The following FAM8A1 variants were observed in gnomAD, a reference collection of about 807,000 sequenced individuals.
FAM8A1 encodes the protein family with sequence similarity 8 member A1.
A neutral mutation model predicts 38.3 loss-of-function variants in FAM8A1; 18 were observed. The ratio of observed to expected loss-of-function variants is 0.47; its 90% CI spans 0.33 to 0.70. The LOEUF (loss-of-function observed/expected upper bound fraction) is 0.70, where lower values mean the gene tolerates loss of function less well. Among genes scored for constraint, FAM8A1 ranks in the 30% least tolerant of loss-of-function variants. The probability of loss-of-function intolerance (pLI) is 0.03; values close to 1 mark genes in which losing one functional copy is unlikely to be tolerated. For synonymous variants in FAM8A1, 246 were observed against 234.4 expected, an observed-to-expected ratio of 1.05 and a Z score of -0.45; for missense variants, 559 against 559.6, an observed-to-expected ratio of 1.00 and a Z score of 0.01.
At chr6:17,606,385 A>G (rs1764053788) in intron 4 of FAM8A1, among the ~76,000 whole-genome samples, 1 of 152,042 alleles carries the variant, frequency 6.6e-6, no homozygotes, top group Non-Finnish European at 1.5e-5. Context: ...TATTTTTAGT[A>G]GGGACGGGGT....
intron 2 of FAM8A1, 151 bp from the exon 3 acceptor site, chr6:17,604,755 T>C: frequency 1.8e-6 from 1 of 568,914 alleles, no homozygotes; most frequent in Non-Finnish European, 3.0e-6. Flanking sequence ...TTGAATAAAC[T>C]AATGAATGCT....
rs1764031687 is a variant in FAM8A1, at chr6:17,604,911, T to A, written c.839T>A (p.Ile280Asn). Residue 280 changes from isoleucine (I) to asparagine (N), a missense_variant, in exon 3 of 5, where the codon ATC becomes AAC. Ile to Asn is a moderately radical substitution (Grantham distance 149). This residue lies in a region of FAM8A1 where 166 missense variants were observed against 220.8 expected (regional missense o/e 0.75). Coordinates refer to ENST00000259963, the MANE Select transcript of FAM8A1 (RefSeq NM_016255.3). ...SIMHLSGIKD[I>N]SKFAMHYIIE... ...CAAACTATTATTTTGTGTAGGGATA[T>A]CTCTAAGTTTGCTATGCATTATATA... 5 of 1,585,634 alleles carry A rather than the reference T, an allele frequency of 3.2e-6. No homozygotes were observed. In the African/African-American group the frequency reaches 6.8e-5, roughly 22 times the overall value.
intron 1 of FAM8A1, among the ~76,000 whole-genome samples, chr6:17,601,517 C>T (rs1763985383): frequency 6.6e-6 from 1 of 152,160 alleles, no homozygotes; most frequent in South Asian, 2.1e-4. Context: ...ACATTGGCTA[C>T]TTAGGACAGT....
Position 17,604,851 on chromosome 6 carries a change from G to C in FAM8A1, c.834-55G>C. On this transcript the variant is annotated intron_variant, in intron 2 of 4. Coordinates refer to ENST00000259963, the MANE Select transcript of FAM8A1 (RefSeq NM_016255.3). Reference sequence around the variant, plus strand: ...ACTTGCACTAATGAAAAAAAAGTCAGTGCTACTGTTCTGGTAACTAATTAT... The same window carrying C: ...ACTTGCACTAATGAAAAAAAAGTCACTGCTACTGTTCTGGTAACTAATTAT... 8.4e-6 allele frequency: 12 copies of C among 1,436,658 alleles called. No homozygotes were observed. In the South Asian group the frequency reaches 1.6e-4, roughly 19 times the overall value. The allele number at this position is 1,436,658 out of a possible 1,614,324, so 89.0% of individuals were successfully genotyped here. A position where few individuals can be genotyped will look rare whatever the true frequency, so the allele number is the denominator to read the frequency against.
In FAM8A1 at chr6:17,607,238, G is replaced by A. The variant is rs188064116; in HGVS notation, c.1098-957G>A. ...TGCACCACTGCACTCCAACCTGGGCGACAGAGCAAGACTCCATCTCAAAAA... is the reference window on the plus strand; with the variant it reads ...TGCACCACTGCACTCCAACCTGGGCAACAGAGCAAGACTCCATCTCAAAAA... On this transcript the variant is annotated intron_variant, in intron 4 of 4. Coordinates refer to ENST00000259963, the MANE Select transcript of FAM8A1 (RefSeq NM_016255.3). 6.2e-3 allele frequency among the ~76,000 whole-genome samples: 779 copies of A among 125,460 alleles called. 3 individuals carry two copies. The highest frequency in any genetic ancestry group is 6.7e-3 in the Non-Finnish European group (424 of 63,552). 82.3% of individuals were successfully genotyped at this position (125,460 alleles called of 152,430 possible). A position where few individuals can be genotyped will look rare whatever the true frequency, so the allele number is the denominator to read the frequency against.
chr6:17,602,640 G>T lies in FAM8A1; in HGVS notation c.763G>T (p.Val255Leu). 6.2e-7 allele frequency: 1 copy of T among 1,613,210 alleles called. No homozygotes were observed. Among genetic ancestry groups the T allele is most frequent in the Non-Finnish European group, 8.5e-7 (1 of 1,179,708 alleles). Reference protein sequence around the residue: ...SLAHRFMAEMVDFFILFFIKA... With the variant: ...SLAHRFMAEMLDFFILFFIKA... ...GGCCCACAGATTTATGGCAGAGATG[G>T]TGGATTTCTTTATTCTCTTCTTTAT... is the stretch of plus-strand genomic sequence containing the variant. The change falls in exon 2 of 5, where the codon GTG becomes TTG. Residue 255 changes from valine (V) to leucine (L), a missense_variant. Physicochemically the swap from Val to Leu is conservative, Grantham distance 32. Transcript: ENST00000259963.
At chr6:17,607,537 G>C (rs1014215914) in intron 4 of FAM8A1, among the ~76,000 whole-genome samples, 1 of 45,938 alleles carries the variant, frequency 2.2e-5, no homozygotes, top group Non-Finnish European at 5.1e-5. Context: ...AGTATCATAA[G>C]ATAGATACTA....
intron 2 of FAM8A1, 57 bp from the exon 3 acceptor site, chr6:17,604,849 C>G (rs1427680096): frequency 7.8e-6 from 11 of 1,405,408 alleles, no homozygotes; most frequent in Non-Finnish European, 8.5e-6. Context: ...AAAAAAAAGT[C>G]AGTGCTACTG....
rs531054496 is a variant in FAM8A1 at position 17,608,447 on chromosome 6, C to T, written c.*108C>T. 3.9e-5 allele frequency: 49 copies of T among 1,267,578 alleles called. No individual in the cohort carries two copies. The African/African-American group carries it at 6.1e-4, about 16-fold the overall frequency. 78.5% of individuals were successfully genotyped at this position (1,267,578 alleles called of 1,614,324 possible). On this transcript the variant is annotated 3_prime_UTR_variant, in exon 5 of 5. Coordinates refer to ENST00000259963, the MANE Select transcript of FAM8A1 (RefSeq NM_016255.3). ...TGATTTAGAAATTAAAGCAGTCACT[C>T]CAGTGTGATGCAGGTGACTACTCTG... is the stretch of plus-strand genomic sequence containing the variant.
At position 17,608,215 on chromosome 6, in the gene FAM8A1, T is replaced by C. The variant is rs760718044; in HGVS notation, c.1118T>C (p.Ile373Thr). ...TTTAGGTCCACTATCCGAGCTTTGA[T>C]CAAGAATTTTTCAATTGCTTCTTTT... ...SITTSTIRAL[I>T]KNFSIASFFP... Residue 373 changes from isoleucine (I) to threonine (T), a missense_variant, in exon 5 of 5, where the codon ATC (isoleucine) becomes ACC (threonine). This residue lies in a region of FAM8A1 where 166 missense variants were observed against 220.8 expected (regional missense o/e 0.75). Coordinates refer to ENST00000259963, the MANE Select transcript of FAM8A1 (RefSeq NM_016255.3). The C allele has an allele frequency of 6.2e-7, 1 of 1,613,826 alleles. No homozygotes were observed.
chr6:17,603,629 G>GT (rs1311424096), intron 2 of FAM8A1, among the ~76,000 whole-genome samples: 2 of 152,020 alleles, frequency 1.3e-5, no homozygotes, highest in Non-Finnish European at 2.9e-5. Context: ...CCAGGCTGGA[G>GT]TGCAGTAGTA....
rs779440559 is a variant in FAM8A1, at chr6:17,605,973, C to T, written c.1057C>T (p.Arg353Trp). 28 of 1,578,146 alleles carry T rather than the reference C, an allele frequency of 1.8e-5. No homozygotes were observed. Among genetic ancestry groups the T allele is most frequent in the East Asian group, 1.6e-4 (7 of 43,970 alleles). ...CDTSVLIAPS[R>W]VLVIPSSNVS... ...TACATCAGTGCTTATTGCACCAAGTCGGGTTTTAGTGATTCCTTCCTCAAA... is the reference window on the plus strand; with the variant it reads ...TACATCAGTGCTTATTGCACCAAGTTGGGTTTTAGTGATTCCTTCCTCAAA... The change falls in exon 4 of 5, where the codon CGG (arginine) becomes TGG (tryptophan). Residue 353 changes from arginine to tryptophan, a missense_variant. Coordinates refer to ENST00000259963, the MANE Select transcript of FAM8A1 (RefSeq NM_016255.3).
At chr6:17,601,621 C>T (rs1763986974) in intron 1 of FAM8A1, among the ~76,000 whole-genome samples, 1 of 152,160 alleles carries the variant, frequency 6.6e-6, no homozygotes, top group Non-Finnish European at 1.5e-5. Flanking sequence ...TGATCAATAT[C>T]TTGTATATTG....
In FAM8A1 at chr6:17,602,706, A is replaced by G. The variant is rs747425498; in HGVS notation, c.829A>G (p.Ile277Val). The G allele has an allele frequency of 1.9e-6, 3 of 1,602,550 alleles. No individual in the cohort carries two copies. The highest frequency in any genetic ancestry group is 4.5e-5 in the East Asian group (2 of 44,784). ...IVLSIMHLSG[I>V]KDISKFAMHY... ...CTTAAGCATTATGCACCTCAGTGGG[A>G]TAAAGTAAGTTGAGGACATTTGCAG... The change falls in exon 2 of 5, where the codon ATA becomes GTA. Residue 277 changes from isoleucine to valine, a missense_variant. By Grantham distance (29) the Ile-to-Val change is conservative. Coordinates refer to ENST00000259963, the MANE Select transcript of FAM8A1 (RefSeq NM_016255.3).
chr6:17,601,148 C>T lies in FAM8A1; in HGVS notation c.712+27C>T, dbSNP rs1763980609. 4.5e-6 allele frequency: 7 copies of T among 1,565,614 alleles called. No individual in the cohort carries two copies. In the African/African-American group the frequency reaches 9.4e-5, roughly 21 times the overall value. On this transcript the variant is annotated intron_variant, in intron 1 of 4. Coordinates refer to ENST00000259963, the MANE Select transcript of FAM8A1 (RefSeq NM_016255.3). ...TGAGAAGCGCGAGGTGGAGGCTGGGCGGAGTAGAAGGGTTTTCGGGGGCCT... is the reference window on the plus strand; with the variant it reads ...TGAGAAGCGCGAGGTGGAGGCTGGGTGGAGTAGAAGGGTTTTCGGGGGCCT...
chr6:17,606,788 G>C (rs1191768192), intron 4 of FAM8A1, among the ~76,000 whole-genome samples: 1 of 152,152 alleles, frequency 6.6e-6, no homozygotes, highest in African/African-American at 2.4e-5. Context: ...AGCGCTGGGG[G>C]AAGGTACAAC....
At chr6:17,606,301 C>T (rs1204165596) in intron 4 of FAM8A1, among the ~76,000 whole-genome samples, 1 of 150,904 alleles carries the variant, frequency 6.6e-6, no homozygotes, top group Non-Finnish European at 1.5e-5. Context: ...CCCAGGTTCA[C>T]GCCATTCTCC....
chr6:17,600,768 G>A lies in FAM8A1; in HGVS notation c.359G>A (p.Trp120Ter). 5 of 1,611,132 alleles carry A rather than the reference G, an allele frequency of 3.1e-6. No individual in the cohort carries two copies. Among genetic ancestry groups the A allele is most frequent in the Non-Finnish European group, 4.2e-6 (5 of 1,179,698 alleles). ...AREYSRQVHE[W>*]LWQSYCGYLT... is the part of the protein sequence containing the mutation. ...GAGTACTCCCGGCAAGTGCACGAGT[G>A]GCTGTGGCAGTCCTACTGCGGCTAC... is the stretch of plus-strand genomic sequence containing the variant. Residue 120 changes from tryptophan (W) to a stop codon, truncating the protein, a stop_gained, in exon 1 of 5, where the codon TGG (tryptophan) becomes TAG (stop). Coordinates refer to ENST00000259963, the MANE Select transcript of FAM8A1 (RefSeq NM_016255.3). LOFTEE classifies it high-confidence loss of function.
rs535409826 is a variant in FAM8A1 at position 17,601,477 on chromosome 6, G to T, written c.712+356G>T. ...AAATGGCAAACCCACTTTTGGAGGG[G>T]CTCGACTGGTAATGCTGAAAATTAT... On this transcript the variant is annotated intron_variant, in intron 1 of 4. Coordinates refer to ENST00000259963, the MANE Select transcript of FAM8A1 (RefSeq NM_016255.3). Among the ~76,000 whole-genome samples, 42 of 152,312 alleles carry T rather than the reference G, an allele frequency of 2.8e-4. No homozygotes were observed. The South Asian group carries it at 8.1e-3, about 29-fold the overall frequency.
Sources: allele counts gnomAD v4.1 joint callset (sites outside exome capture counted in the v4.1 genomes callset), GRCh38; gene constraint gnomAD v4.1.1; regional missense constraint gnomAD v4.1.1; transcripts MANE v1.5; gene names NCBI Gene and HGNC (gene_info 2026-07-23, HGNC 2026-07-21).